Variants in SUGCT observed in about 807,000 individuals in gnomAD.
SUGCT encodes succinyl-CoA:glutarate CoA-transferase.
In SUGCT, 41 loss-of-function variants were observed where a neutral mutation model predicts 55.0. The ratio of observed to expected loss-of-function variants is 0.74; its 90% CI spans 0.58 to 0.97. SUGCT has a LOEUF of 0.97. Ranked by LOEUF, SUGCT falls within the 50% of genes least tolerant of loss-of-function variation. SUGCT has a pLI of 0.00. For missense variants in SUGCT, 568 were observed against 547.8 expected, an observed-to-expected ratio of 1.04 and a Z score of -0.37; for synonymous variants, 187 against 200.4, an observed-to-expected ratio of 0.93 and a Z score of 0.56.
At position 40,388,478 on chromosome 7, in the gene SUGCT, C is replaced by T. The variant is rs79382644; in HGVS notation, c.817-60809C>T. On this transcript the variant is annotated intron_variant, in intron 9 of 13. Transcript: ENST00000335693. ...TCGTCCAGGCTGGAGTGCAGCGGCG[C>T]GATCTTGGCTCACTGCAACCTCCAC... Among the ~76,000 whole-genome samples, 34 of 152,168 alleles carry T rather than the reference C, an allele frequency of 2.2e-4. 1 individual carries two copies. The East Asian group carries it at 3.3e-3, about 15-fold the overall frequency.
At chr7:40,364,510 G>A (rs1050615444) in intron 9 of SUGCT, among the ~76,000 whole-genome samples, 111 of 152,186 alleles carry the variant, frequency 7.3e-4, no homozygotes, top group African/African-American at 2.6e-3. Context: ...GGCAGGCCTG[G>A]TGGTGACAAA....
chr7:40,306,231 T>A (rs1019363222), intron 8 of SUGCT, among the ~76,000 whole-genome samples: 4 of 152,228 alleles, frequency 2.6e-5, no homozygotes, highest in Non-Finnish European at 4.4e-5. Flanking sequence ...TTATTCTCAA[T>A]ACTTTTCCAA....
intron 13 of SUGCT, among the ~76,000 whole-genome samples, chr7:40,843,663 A>C (rs752469675): frequency 1.5e-4 from 23 of 152,132 alleles, no homozygotes; most frequent in Non-Finnish European, 5.9e-5. Flanking sequence ...TGCTTGGTGA[A>C]CAGCAAGGAG....
intron 9 of SUGCT, among the ~76,000 whole-genome samples, chr7:40,372,274 A>G (rs1485655109): frequency 6.6e-6 from 1 of 152,060 alleles, no homozygotes; most frequent in Non-Finnish European, 1.5e-5. Flanking sequence ...AATTTTGAAG[A>G]CTGATTGAGG....
the SUGCT span, among the ~76,000 whole-genome samples, chr7:40,920,283 T>C: frequency 6.6e-6 from 1 of 152,220 alleles, no homozygotes; most frequent in Non-Finnish European, 1.5e-5. Flanking sequence ...ATGATGCCCA[T>C]GATAAATATT....
chr7:40,600,333 C>A (rs1267742838), intron 12 of SUGCT, among the ~76,000 whole-genome samples: 2 of 152,180 alleles, frequency 1.3e-5, no homozygotes, highest in Admixed American at 1.3e-4. Flanking sequence ...GCCCAACCAA[C>A]AAAGTTGTGC....
intron 12 of SUGCT, among the ~76,000 whole-genome samples, chr7:40,737,240 A>C (rs1240426058): frequency 6.6e-6 from 1 of 152,202 alleles, no homozygotes; most frequent in African/African-American, 2.4e-5. Context: ...CATTTGATCA[A>C]ACTTGGTTTT....
chr7:40,691,272 A>G (rs1454711366), intron 12 of SUGCT, among the ~76,000 whole-genome samples: 8 of 152,070 alleles, frequency 5.3e-5, no homozygotes, highest in Non-Finnish European at 1.2e-4. Context: ...GAGACTGTGT[A>G]GACTCCTGAA....
intron 11 of SUGCT, among the ~76,000 whole-genome samples, chr7:40,493,754 G>C (rs1194340055): frequency 6.6e-6 from 1 of 152,056 alleles, no homozygotes; most frequent in Admixed American, 6.6e-5. Context: ...ATTTAGATCA[G>C]CTTTTTAAAT....
intron 5 of SUGCT, among the ~76,000 whole-genome samples, chr7:40,194,726 T>G (rs1460855359): frequency 1.3e-5 from 2 of 152,260 alleles, no homozygotes; most frequent in African/African-American, 4.8e-5. Context: ...TGCATGTACT[T>G]ACATGTACTT....
intron 8 of SUGCT, among the ~76,000 whole-genome samples, chr7:40,276,633 C>G (rs955787506): frequency 2.0e-5 from 3 of 152,130 alleles, no homozygotes; most frequent in Admixed American, 2.0e-4. Flanking sequence ...TAATTCACTT[C>G]TAGCATCTAA....
At chr7:40,566,373 C>T (rs1796154814) in intron 12 of SUGCT, among the ~76,000 whole-genome samples, 2 of 152,104 alleles carry the variant, frequency 1.3e-5, no homozygotes, top group South Asian at 4.1e-4. Context: ...TTAATGTGTT[C>T]CTGACATATT....
chr7:40,994,936 A>G, the SUGCT span, among the ~76,000 whole-genome samples: 1 of 152,200 alleles, frequency 6.6e-6, no homozygotes, highest in Admixed American at 6.5e-5. Flanking sequence ...GGCCCTCACC[A>G]GAAGCAGATG....
chr7:40,607,583 T>C (rs1798589435), intron 12 of SUGCT, among the ~76,000 whole-genome samples: 1 of 152,210 alleles, frequency 6.6e-6, no homozygotes, highest in Non-Finnish European at 1.5e-5. Context: ...GCCACAGAGC[T>C]CAGTTCAATT....
In SUGCT at chr7:40,763,605, G is replaced by A. The variant is rs574732293; in HGVS notation, c.1153+14108G>A. Among the ~76,000 whole-genome samples the A allele has an allele frequency of 3.3e-5, 5 of 152,298 alleles. No individual in the cohort carries two copies. The East Asian group carries it at 7.7e-4, about 24-fold the overall frequency. On this transcript the variant is annotated intron_variant, in intron 13 of 13. Coordinates refer to ENST00000335693, the MANE Select transcript of SUGCT (RefSeq NM_001193313.2). Reference sequence around the variant, plus strand: ...CTTGACACAGATAATCCTGTGGCATGGCTTCAGCAAGCAGCTTGCCCAAGG... The same window carrying A: ...CTTGACACAGATAATCCTGTGGCATAGCTTCAGCAAGCAGCTTGCCCAAGG...
chr7:40,197,589 A>C (rs1786361544), intron 6 of SUGCT, among the ~76,000 whole-genome samples: 3 of 152,158 alleles, frequency 2.0e-5, no homozygotes, highest in African/African-American at 7.2e-5. Context: ...ATCTCCCCTC[A>C]TAGGGAAAGG....
chr7:40,920,101 A>G, the SUGCT span, among the ~76,000 whole-genome samples: 2 of 151,942 alleles, frequency 1.3e-5, no homozygotes, highest in Non-Finnish European at 2.9e-5. Context: ...TACTTGGTTA[A>G]AGGCCCCTCT....
the SUGCT span, among the ~76,000 whole-genome samples, chr7:40,890,280 ATATT>A: frequency 7.0e-6 from 1 of 143,020 alleles, no homozygotes; most frequent in Non-Finnish European, 1.5e-5. Context: ...TATAAATTAA[ATATT>A]TATATTATAT....
At chr7:40,930,304 T>C in the SUGCT span, among the ~76,000 whole-genome samples, 1 of 152,204 alleles carries the variant, frequency 6.6e-6, no homozygotes, top group Non-Finnish European at 1.5e-5. Context: ...ACCAGTACCA[T>C]GCTGTTTTGG....
Sources: allele counts gnomAD v4.1 joint callset (sites outside exome capture counted in the v4.1 genomes callset), GRCh38; gene constraint gnomAD v4.1.1; transcripts MANE v1.5; gene names NCBI Gene and HGNC (gene_info 2026-07-23, HGNC 2026-07-21).